TGFB2: variants seen among roughly 807,000 people sequenced by gnomAD.
The protein encoded by TGFB2 is transforming growth factor beta 2, also known as transforming growth factor beta-2 proprotein.
In TGFB2, 13 loss-of-function variants were observed where a neutral mutation model predicts 42.7. The observed-to-expected ratio is 0.30, with a 90% CI of 0.20 to 0.48. TGFB2 has a LOEUF of 0.48. TGFB2 is among the 20% of genes least tolerant of loss of function. The probability of loss-of-function intolerance (pLI) is 0.99; values close to 1 mark genes in which losing one functional copy is unlikely to be tolerated. For missense variants in TGFB2, 390 were observed against 517.5 expected (o/e 0.75, Z 2.39); for synonymous variants, 193 against 193.6 (o/e 1.00, Z 0.03).
chr1:218,434,005 C>T lies in TGFB2; in HGVS notation c.511-77C>T, dbSNP rs1659888845. The T allele has an allele frequency of 3.8e-6, 6 of 1,565,652 alleles. 1 individual carries two copies. The Middle Eastern group carries it at 8.6e-4, about 224-fold the overall frequency. Reference sequence around the variant, plus strand: ...GCTAAATTTAGGTAATGAATTAGAACACTGTTAATAGTTTTGGTTTAGTCA... The same window carrying T: ...GCTAAATTTAGGTAATGAATTAGAATACTGTTAATAGTTTTGGTTTAGTCA... On this transcript the variant is annotated intron_variant, in intron 2 of 6. Coordinates refer to ENST00000366930, the MANE Select transcript of TGFB2 (RefSeq NM_003238.6).
At chr1:218,352,448 A>G (rs1656901146) in intron 1 of TGFB2, among the ~76,000 whole-genome samples, 1 of 152,110 alleles carries the variant, frequency 6.6e-6, no homozygotes, top group African/African-American at 2.4e-5. Flanking sequence ...TTAAACAATG[A>G]TAGTTTTTAA....
Position 218,345,882 on chromosome 1 carries a change from C to T in TGFB2, c.-820C>T, listed in dbSNP as rs1656648715. On this transcript the variant is annotated 5_prime_UTR_variant, in exon 1 of 7. Coordinates refer to ENST00000366930, the MANE Select transcript of TGFB2 (RefSeq NM_003238.6). ...GCGGCAGCAACGTGGAGTAACCAAG[C>T]GGGTCAGCGCGCGCCCGCCAGGGTG... is the stretch of plus-strand genomic sequence containing the variant. 6.6e-6 allele frequency among the ~76,000 whole-genome samples: 1 copy of T among 151,958 alleles called. No homozygotes were observed. Among genetic ancestry groups the T allele is most frequent in the South Asian group, 2.1e-4 (1 of 4,822 alleles).
intron 1 of TGFB2, among the ~76,000 whole-genome samples, chr1:218,362,151 C>A (rs1657232014): frequency 6.6e-6 from 1 of 152,118 alleles, no homozygotes; most frequent in African/African-American, 2.4e-5. Flanking sequence ...ATAAGAGGCA[C>A]ACATATGGCA....
intron 6 of TGFB2, among the ~76,000 whole-genome samples, chr1:218,437,857 A>C (rs927359745): frequency 2.6e-5 from 4 of 152,122 alleles, no homozygotes; most frequent in African/African-American, 9.7e-5. Context: ...ATTTTTATTG[A>C]TACATAATTG....
intron 1 of TGFB2, among the ~76,000 whole-genome samples, chr1:218,395,616 T>C (rs1658482496): frequency 6.6e-6 from 1 of 151,050 alleles, no homozygotes; most frequent in African/African-American, 2.4e-5. Context: ...TTTTTCTTTT[T>C]TTTTTTTTTT....
intron 2 of TGFB2, among the ~76,000 whole-genome samples, chr1:218,413,668 C>T (rs905751169): frequency 6.6e-6 from 1 of 152,154 alleles, no homozygotes; most frequent in Admixed American, 6.5e-5. Flanking sequence ...TTTGTTCATA[C>T]GTATGATATC....
At chr1:218,391,274 T>A (rs1658308753) in intron 1 of TGFB2, among the ~76,000 whole-genome samples, 5 of 152,158 alleles carry the variant, frequency 3.3e-5, no homozygotes. Context: ...TTGAAGAAGA[T>A]GTGCTGCTGG....
At chr1:218,440,859 G>T (rs892972406) in intron 6 of TGFB2, among the ~76,000 whole-genome samples, 3 of 152,312 alleles carry the variant, frequency 2.0e-5, no homozygotes, top group East Asian at 1.9e-4. Flanking sequence ...ATCAAGTTTT[G>T]TGGGGACCTA....
At chr1:218,440,477 T>A (rs1271706952) in intron 6 of TGFB2, among the ~76,000 whole-genome samples, 1 of 152,196 alleles carries the variant, frequency 6.6e-6, no homozygotes, top group Non-Finnish European at 1.5e-5. Context: ...TTGTCCAAGC[T>A]GGTCCTGAAC....
chr1:218,373,286 A>G (rs1198918721), intron 1 of TGFB2, among the ~76,000 whole-genome samples: 1 of 152,166 alleles, frequency 6.6e-6, no homozygotes, highest in African/African-American at 2.4e-5. Context: ...CTAGATATCC[A>G]TGTTAGGTTT....
At chr1:218,385,189 A>C (rs11466383) in intron 1 of TGFB2, among the ~76,000 whole-genome samples, 7,448 of 152,168 alleles carry the variant, frequency 0.049, 216 homozygotes, top group Middle Eastern at 0.082. Flanking sequence ...TGTACCTCAA[A>C]AGTTGTTTAG....
At position 218,367,792 on chromosome 1, in the gene TGFB2, AT is replaced by A. The variant is rs74586035; in HGVS notation, c.346+20753del. Among the ~76,000 whole-genome samples the A allele has an allele frequency of 1.3e-3, 201 of 151,940 alleles. 2 individuals are homozygous for A. The East Asian group carries it at 0.032, about 24-fold the overall frequency. ...AGAGAAAGGTGAAGAGAGGACGTTC[AT>A]TTTTTTTCTTCTTCTTCTTTTTGAG... On this transcript the variant is annotated intron_variant, in intron 1 of 6. Coordinates refer to ENST00000366930, the MANE Select transcript of TGFB2 (RefSeq NM_003238.6).
intron 2 of TGFB2, among the ~76,000 whole-genome samples, chr1:218,420,253 T>A (rs1009046702): frequency 6.6e-6 from 1 of 152,226 alleles, no homozygotes; most frequent in Non-Finnish European, 1.5e-5. Flanking sequence ...ACTGTAGGAA[T>A]TCAGCTAAGA....
At chr1:218,347,841 T>A (rs1477825705) in intron 1 of TGFB2, among the ~76,000 whole-genome samples, 2 of 152,200 alleles carry the variant, frequency 1.3e-5, no homozygotes, top group African/African-American at 4.8e-5. Flanking sequence ...AGATCATTTT[T>A]CTTACGGGTC....
At chr1:218,358,590 C>T (rs1178010295) in intron 1 of TGFB2, among the ~76,000 whole-genome samples, 2 of 150,138 alleles carry the variant, frequency 1.3e-5, no homozygotes, top group South Asian at 4.2e-4. Flanking sequence ...GCTCCGTCAC[C>T]TAGGCTGGAG....
chr1:218,392,846 C>T (rs1409545650), intron 1 of TGFB2, among the ~76,000 whole-genome samples: 2 of 152,182 alleles, frequency 1.3e-5, no homozygotes, highest in Non-Finnish European at 1.5e-5. Flanking sequence ...AATAACAGCC[C>T]ATGCCACTTG....
intron 2 of TGFB2, among the ~76,000 whole-genome samples, chr1:218,424,324 G>C (rs1037374156): frequency 6.6e-6 from 1 of 152,210 alleles, no homozygotes; most frequent in Non-Finnish European, 1.5e-5. Context: ...AAAATTCAGA[G>C]AGATTCCAAA....
intron 1 of TGFB2, among the ~76,000 whole-genome samples, chr1:218,397,286 G>A (rs1412798597): frequency 3.5e-5 from 5 of 143,076 alleles, no homozygotes; most frequent in South Asian, 4.4e-4. Flanking sequence ...AAAAAAGGCC[G>A]GGCGCGGTGG....
At position 218,437,432 on chromosome 1, in the gene TGFB2, A is replaced by T; in HGVS notation, c.1022A>T (p.Tyr341Phe). 1 of 1,613,656 alleles carries T rather than the reference A, an allele frequency of 6.2e-7. No homozygotes were observed. The highest frequency in any genetic ancestry group is 1.1e-5 in the South Asian group (1 of 90,978). ...AAATGGATACACGAACCCAAAGGGTACAATGCCAACTTCTGTGCTGGAGCA... is the reference window on the plus strand; with the variant it reads ...AAATGGATACACGAACCCAAAGGGTTCAATGCCAACTTCTGTGCTGGAGCA... ...GWKWIHEPKG[Y>F]NANFCAGACP... Residue 341 changes from tyrosine (Y) to phenylalanine (F), a missense_variant, in exon 6 of 7, where the codon TAC becomes TTC. Tyr to Phe is a conservative substitution (Grantham distance 22, BLOSUM62 3). Transcript: ENST00000366930.
Sources: gnomAD v4.1 joint callset for allele counts (sites outside exome capture counted in the v4.1 genomes callset) on GRCh38, gnomAD v4.1.1 for gene constraint, MANE v1.5 for transcripts, NCBI Gene and HGNC (gene_info 2026-07-23, HGNC 2026-07-21) for gene names.